The following ARHGAP32 variants were observed in gnomAD, a reference collection of about 807,000 sequenced individuals.
ARHGAP32 encodes Rho GTPase activating protein 32.
In ARHGAP32, 51 loss-of-function variants were observed where a neutral mutation model predicts 186.5. The ratio of observed to expected loss-of-function variants is 0.27; its 90% CI spans 0.22 to 0.35. The LOEUF is 0.35. Among genes scored for constraint, ARHGAP32 ranks in the 10% least tolerant of loss-of-function variants. The pLI is 1.00. For synonymous variants in ARHGAP32, 950 were observed against 964.3 expected (o/e 0.99, Z 0.27); for missense variants, 2,186 against 2,623.5 (o/e 0.83, Z 3.64).
At chr11:129,115,957 T>C (rs982135343) in intron 5 of ARHGAP32, among the ~76,000 whole-genome samples, 1 of 152,116 alleles carries the variant, frequency 6.6e-6, no homozygotes, top group African/African-American at 2.4e-5. Flanking sequence ...CAGAGTTCTC[T>C]TGTGGTACCA....
At chr11:129,207,558 T>G (rs971670471) in intron 1 of ARHGAP32, among the ~76,000 whole-genome samples, 2 of 152,150 alleles carry the variant, frequency 1.3e-5, no homozygotes, top group Non-Finnish European at 2.9e-5. Context: ...TGTCTGTTCA[T>G]ATCCTTTGGC....
At chr11:129,177,479 A>G (rs919159012) in intron 1 of ARHGAP32, among the ~76,000 whole-genome samples, 6 of 152,320 alleles carry the variant, frequency 3.9e-5, no homozygotes, top group African/African-American at 1.4e-4. Flanking sequence ...GCAGAGACAC[A>G]ACCAAAAAAG....
At chr11:129,189,621 A>G (rs963974184) in intron 1 of ARHGAP32, among the ~76,000 whole-genome samples, 1 of 152,228 alleles carries the variant, frequency 6.6e-6, no homozygotes, top group East Asian at 1.9e-4. Context: ...AAGGTAGGTA[A>G]TAATACCGAC....
chr11:129,071,014 T>C (rs1247004123), intron 6 of ARHGAP32, among the ~76,000 whole-genome samples: 2 of 152,070 alleles, frequency 1.3e-5, no homozygotes, highest in African/African-American at 4.8e-5. Context: ...ACAGTATAAT[T>C]GTATGTTTAA....
At chr11:129,272,068 T>C (rs547593416) in intron 1 of ARHGAP32, among the ~76,000 whole-genome samples, 1 of 152,112 alleles carries the variant, frequency 6.6e-6, no homozygotes, top group African/African-American at 2.4e-5. Flanking sequence ...GAATCACTGG[T>C]GAAGAAGAAG....
chr11:129,027,317 C>A lies in ARHGAP32; in HGVS notation c.1045+13611G>T, dbSNP rs540597907. Among the ~76,000 whole-genome samples, 104 of 152,264 alleles carry A rather than the reference C, an allele frequency of 6.8e-4. 1 individual carries two copies. Among genetic ancestry groups the A allele is most frequent in the African/African-American group, 2.5e-3 (103 of 41,546 alleles). ...TACCTATCTCTGCCTTTCCTCTTAA[C>A]ACAGCAAGCAAAGTGATCCTCTTAA... On this transcript the variant is annotated intron_variant, in intron 11 of 22. Coordinates refer to ENST00000682385, the MANE Select transcript of ARHGAP32 (RefSeq NM_001378024.1).
At position 129,192,207 on chromosome 11, in the gene ARHGAP32, T is replaced by TA; in HGVS notation, c.-10dup. 6.2e-7 allele frequency: 1 copy of TA among 1,600,524 alleles called. No homozygotes were observed. Among genetic ancestry groups the TA allele is most frequent in the Non-Finnish European group, 8.5e-7 (1 of 1,170,358 alleles). The stretch of plus-strand genomic sequence containing the variant: ...TCACTTTCAGTCTCCATCTTGTACT[T>TA]AAAAAACAAAAAAAACTAAACCTCC... On this transcript the variant is annotated 5_prime_UTR_variant, in exon 1 of 23. The change abolishes the stop of an existing upstream ORF in the 5' untranslated region. Transcript: ENST00000682385.
chr11:129,232,122 G>T (rs1000020251), intron 1 of ARHGAP32, among the ~76,000 whole-genome samples: 9 of 148,208 alleles, frequency 6.1e-5, no homozygotes, highest in African/African-American at 2.2e-4. Flanking sequence ...CACAGGTGTT[G>T]ATACCAGTAT....
At chr11:129,268,215 G>A (rs1945430543) in intron 1 of ARHGAP32, among the ~76,000 whole-genome samples, 1 of 152,054 alleles carries the variant, frequency 6.6e-6, no homozygotes, top group African/African-American at 2.4e-5. Context: ...ATTGAGCCTA[G>A]AAAGAGAAAA....
chr11:129,092,875 T>G (rs764574062), intron 6 of ARHGAP32, among the ~76,000 whole-genome samples: 14 of 151,986 alleles, frequency 9.2e-5, no homozygotes. Context: ...TCCTAAATGC[T>G]TTCTTTACAA....
At chr11:128,978,983 T>C in intron 18 of ARHGAP32, 68 bp from the exon 19 acceptor site, 1 of 1,418,452 alleles carries the variant, frequency 7.0e-7, no homozygotes, top group South Asian at 1.4e-5. Flanking sequence ...AGAAAAGAAA[T>C]GAACACATGA....
At chr11:128,999,038 C>G (rs1946277091) in intron 11 of ARHGAP32, among the ~76,000 whole-genome samples, 1 of 152,168 alleles carries the variant, frequency 6.6e-6, no homozygotes, top group African/African-American at 2.4e-5. Flanking sequence ...AGGATAACTG[C>G]AATTTTCAGG....
rs776801494 is a variant in ARHGAP32 at position 128,973,358 on chromosome 11, G to A, written c.3148C>T (p.Pro1050Ser). Residue 1050 changes from proline to serine, a missense_variant, in exon 22 of 23, where the codon CCG becomes TCG. This residue lies in a region of ARHGAP32 where 1,502 missense variants were observed against 1,570.0 expected (regional missense o/e 0.96). Transcript: ENST00000682385. Reference sequence around the variant, plus strand: ...GCCAACATTCGGGCAACATTTTTCGGAGGCGGTGGTGGTGGGATAAGAGAG... The same window carrying A: ...GCCAACATTCGGGCAACATTTTTCGAAGGCGGTGGTGGTGGGATAAGAGAG... ...SVSLIPPPPP[P>S]KNVARMLALA... 4.3e-6 allele frequency: 7 copies of A among 1,614,126 alleles called. No individual in the cohort carries two copies. The Admixed American group carries it at 6.7e-5, about 15-fold the overall frequency.
chr11:129,107,623 C>T (rs1565425760), intron 5 of ARHGAP32, among the ~76,000 whole-genome samples: 2 of 152,116 alleles, frequency 1.3e-5, no homozygotes, highest in African/African-American at 2.4e-5. Flanking sequence ...AATCCCAGCA[C>T]TTTGGGAGGC....
At chr11:128,998,778 T>C (rs1462518326) in intron 11 of ARHGAP32, among the ~76,000 whole-genome samples, 2 of 152,224 alleles carry the variant, frequency 1.3e-5, no homozygotes, top group Non-Finnish European at 2.9e-5. Context: ...TTAATACTTT[T>C]ATAATTTCTT....
At chr11:129,117,045 C>G (rs1436017220) in intron 5 of ARHGAP32, among the ~76,000 whole-genome samples, 8 of 151,952 alleles carry the variant, frequency 5.3e-5, no homozygotes, top group Admixed American at 5.3e-4. Flanking sequence ...TAAGGTTACA[C>G]TGCAGTATTA....
Position 128,988,043 on chromosome 11 carries a change from G to A in ARHGAP32, c.1278C>T (p.Ala426=). 1.9e-6 allele frequency: 3 copies of A among 1,612,592 alleles called. No homozygotes were observed. Among genetic ancestry groups the A allele is most frequent in the Non-Finnish European group, 2.5e-6 (3 of 1,178,878 alleles). ...VDGIYRLSGV[A]SNIQRLRHEF... The stretch of plus-strand genomic sequence containing the variant: ...TTTACCGTAGTCTCTGGATATTGGA[G>A]GCAACACCAGAAAGGCGATAGATTC... The change falls in exon 13 of 23, where the codon GCC becomes GCT. Residue 426 remains alanine, a synonymous_variant. Coordinates refer to ENST00000682385, the MANE Select transcript of ARHGAP32 (RefSeq NM_001378024.1).
intron 11 of ARHGAP32, among the ~76,000 whole-genome samples, chr11:129,037,839 A>T (rs764495823): frequency 1.3e-5 from 2 of 151,992 alleles, no homozygotes; most frequent in Non-Finnish European, 2.9e-5. Flanking sequence ...ACGGTGGCTC[A>T]TGCCTGTAAT....
intron 1 of ARHGAP32, among the ~76,000 whole-genome samples, chr11:129,220,154 T>C (rs1023363347): frequency 6.6e-6 from 1 of 152,214 alleles, no homozygotes; most frequent in Non-Finnish European, 1.5e-5. Context: ...TTCTCCAGAA[T>C]GGATCAACTT....
Sources: gnomAD v4.1 joint callset for allele counts (sites outside exome capture counted in the v4.1 genomes callset) on GRCh38, gnomAD v4.1.1 for gene constraint, gnomAD v4.1.1 regional missense constraint, MANE v1.5 for transcripts, NCBI Gene and HGNC (gene_info 2026-07-23, HGNC 2026-07-21) for gene names.